The following SERPINB3 variants were observed in gnomAD, a reference collection of about 807,000 sequenced individuals.
SERPINB3 encodes serpin B3.
In SERPINB3, 33 loss-of-function variants were observed where a neutral mutation model predicts 33.0. The ratio of observed to expected loss-of-function variants is 1.00; its 90% CI spans 0.76 to 1.34. The LOEUF is 1.34. Among genes scored for constraint, SERPINB3 ranks in the 40% most tolerant of loss-of-function variants. The pLI is 0.00. For synonymous variants in SERPINB3, 200 were observed against 170.9 expected (o/e 1.17, Z -1.33); for missense variants, 518 against 461.5 (o/e 1.12, Z -1.12).
chr18:63,659,227 G>T, intron 4 of SERPINB3, 172 bp downstream of exon 4: 2 of 687,776 alleles, frequency 2.9e-6, no homozygotes, highest in African/African-American at 1.8e-5. Flanking sequence ...GTATTGTTAG[G>T]GTCTGGGACA....
At chr18:63,657,208 T>G (rs1442266878) in intron 6 of SERPINB3, 62 bp downstream of exon 6, 1 of 989,932 alleles carries the variant, frequency 1.0e-6, no homozygotes, top group Non-Finnish European at 1.4e-6. Flanking sequence ...CATGGTACAT[T>G]CCATCAGAAA....
In SERPINB3 at chr18:63,658,712, T is replaced by C. The variant is rs562877662; in HGVS notation, c.352-82A>G. Reference sequence around the variant, plus strand: ...TACCAAATTTAGTTATTTATAATTATAGTAAGCTGAATCCAGACCCTGAAT... The same window carrying C: ...TACCAAATTTAGTTATTTATAATTACAGTAAGCTGAATCCAGACCCTGAAT... On this transcript the variant is annotated intron_variant, in intron 4 of 7. Coordinates refer to ENST00000283752, the MANE Select transcript of SERPINB3 (RefSeq NM_006919.3). 2.7e-3 allele frequency: 2,999 copies of C among 1,095,582 alleles called. 19 individuals are homozygous for C. The highest frequency in any genetic ancestry group is 3.4e-3 in the Admixed American group (170 of 49,396). 67.9% of individuals were successfully genotyped at this position (1,095,582 alleles called of 1,614,324 possible). A position where few individuals can be genotyped will look rare whatever the true frequency, so the allele number is the denominator to read the frequency against.
At chr18:63,657,580 A>G (rs1251460946) in intron 5 of SERPINB3, among the ~76,000 whole-genome samples, 168 bp from the exon 6 acceptor site, 2 of 152,140 alleles carry the variant, frequency 1.3e-5, no homozygotes, top group African/African-American at 4.8e-5. Context: ...GTGGTTCACC[A>G]GATGCAGCTT....
At chr18:63,660,986 C>G in intron 2 of SERPINB3, 66 bp downstream of exon 2, 1 of 1,610,104 alleles carries the variant, frequency 6.2e-7, no homozygotes, top group Admixed American at 1.7e-5. Context: ...CTATTACCAT[C>G]TGCGTGCTAG....
At chr18:63,660,052 G>T (rs1262703303) in intron 3 of SERPINB3, among the ~76,000 whole-genome samples, 2 of 152,086 alleles carry the variant, frequency 1.3e-5, no homozygotes, top group Non-Finnish European at 2.9e-5. Context: ...CAGGTACATG[G>T]CTAAGGACTT....
intron 2 of SERPINB3, 91 bp downstream of exon 2, chr18:63,660,961 A>G (rs1913627424): frequency 1.9e-5 from 31 of 1,609,202 alleles, no homozygotes; most frequent in Non-Finnish European, 2.6e-5. Context: ...TGTGCTACCC[A>G]TCAGACCACC....
At chr18:63,659,601 G>T (rs570338140) in intron 3 of SERPINB3, 74 bp from the exon 4 acceptor site, 11 of 1,598,694 alleles carry the variant, frequency 6.9e-6, no homozygotes, top group Non-Finnish European at 9.4e-6. Flanking sequence ...AAGTCTGTTA[G>T]ATCAGTCCCT....
At chr18:63,658,439 C>T in intron 5 of SERPINB3, 74 bp downstream of exon 5, 2 of 1,261,284 alleles carry the variant, frequency 1.6e-6, no homozygotes, top group Admixed American at 3.5e-5. Context: ...CCATGGTCCC[C>T]CATGCAGTTT....
intron 6 of SERPINB3, 51 bp from the exon 7 acceptor site, chr18:63,657,037 A>G (rs773136998): frequency 6.7e-7 from 1 of 1,489,116 alleles, no homozygotes; most frequent in Non-Finnish European, 9.2e-7. Flanking sequence ...ACAAGGCAAA[A>G]AGATAATATT....
At chr18:63,660,528 T>A (rs1913613553) in intron 3 of SERPINB3, among the ~76,000 whole-genome samples, 2 of 152,148 alleles carry the variant, frequency 1.3e-5, no homozygotes. Context: ...CTGCTCATGT[T>A]CACCATTTGT....
intron 6 of SERPINB3, 121 bp downstream of exon 6, chr18:63,657,149 G>T: frequency 1.1e-6 from 1 of 891,274 alleles, no homozygotes. Flanking sequence ...AAAGTTATAA[G>T]ACTAAAACAA....
chr18:63,655,751 T>C lies in SERPINB3; in HGVS notation c.1079A>G (p.Asn360Ser). ...AGGGTGATTACAATGGAACTCTTCA[T>C]TAGTTGAAGTAGGTGATGATCCGAA... The part of the protein sequence containing the change: ...VGFGSSPTST[N>S]EEFHCNHPFL... Residue 360 changes from asparagine (N) to serine (S), a missense_variant, in exon 8 of 8, where the codon AAT (asparagine) becomes AGT (serine). Coordinates refer to ENST00000283752, the MANE Select transcript of SERPINB3 (RefSeq NM_006919.3). The C allele has an allele frequency of 6.2e-7, 1 of 1,613,764 alleles. No homozygotes were observed. Among genetic ancestry groups the C allele is most frequent in the Admixed American group, 1.7e-5 (1 of 59,988 alleles).
chr18:63,655,614 T>C lies in SERPINB3; in HGVS notation c.*43A>G, dbSNP rs1555683844. ...CCAGCAATCAGTTTACCAGAACATCTGCAGGTGAACATTTTCCAAATGGAG... is the reference window on the plus strand; with the variant it reads ...CCAGCAATCAGTTTACCAGAACATCCGCAGGTGAACATTTTCCAAATGGAG... On this transcript the variant is annotated 3_prime_UTR_variant, in exon 8 of 8. Transcript: ENST00000283752. 1.3e-5 allele frequency: 20 copies of C among 1,551,542 alleles called. No homozygotes were observed. In the Middle Eastern group the frequency reaches 7.0e-4, roughly 54 times the overall value.
chr18:63,657,338 A>G lies in SERPINB3; in HGVS notation c.544T>C (p.Phe182Leu), dbSNP rs1913524746. 6.2e-7 allele frequency: 1 copy of G among 1,610,688 alleles called. No individual in the cohort carries two copies. The highest frequency in any genetic ancestry group is 1.3e-5 in the African/African-American group (1 of 74,848). The change falls in exon 6 of 8, where the codon TTC (phenylalanine) becomes CTC (leucine). Residue 182 changes from phenylalanine (F) to leucine (L), a missense_variant. Physicochemically the swap from Phe to Leu is conservative, Grantham distance 22 (BLOSUM62 0). Transcript: ENST00000283752. ...TTLVLVNAIY[F>L]KGQWEKKFNK... ...AATTTCTTCTCCCACTGCCCTTTGA[A>G]ATAGATTGCGTTCACAAGAACCAAT...
In SERPINB3 at chr18:63,655,606, A is replaced by G; in HGVS notation, c.*51T>C. ...TGTTGTTGCCAGCAATCAGTTTACC[A>G]GAACATCTGCAGGTGAACATTTTCC... On this transcript the variant is annotated 3_prime_UTR_variant, in exon 8 of 8. Transcript: ENST00000283752. 1 of 1,534,960 alleles carries G rather than the reference A, an allele frequency of 6.5e-7. No individual in the cohort carries two copies. The highest frequency in any genetic ancestry group is 8.8e-7 in the Non-Finnish European group (1 of 1,135,530).
rs749831172 is a variant in SERPINB3 at position 63,659,183 on chromosome 18, T to C, written c.351+216A>G. On this transcript the variant is annotated intron_variant, in intron 4 of 7. Transcript: ENST00000283752. ...TCTATTACCCAACCTCCTCTTTTAT[T>C]ACAAGATTATCCCTAAATCCACACT... is the stretch of plus-strand genomic sequence containing the variant. 3.9e-4 allele frequency: 232 copies of C among 588,462 alleles called. 1 individual carries two copies. The Admixed American group carries it at 5.2e-3, about 13-fold the overall frequency. 36.5% of individuals were successfully genotyped at this position (588,462 alleles called of 1,614,324 possible).
At chr18:63,658,487 G>T in intron 5 of SERPINB3, 26 bp downstream of exon 5, 1 of 1,585,808 alleles carries the variant, frequency 6.3e-7, no homozygotes. Flanking sequence ...TCTCAAAGGT[G>T]TTTCTATAAT....
Position 63,655,711 on chromosome 18 carries a change from T to C in SERPINB3, c.1119A>G (p.Ile373Met). 2 of 1,613,880 alleles carry C rather than the reference T, an allele frequency of 1.2e-6. No homozygotes were observed. Among genetic ancestry groups the C allele is most frequent in the African/African-American group, 1.3e-5 (1 of 75,012 alleles). Residue 373 changes from isoleucine to methionine, a missense_variant, in exon 8 of 8, where the codon ATA (isoleucine) becomes ATG (methionine). Physicochemically the swap from Ile to Met is conservative, Grantham distance 10. Transcript: ENST00000283752. ...FHCNHPFLFF[I>M]RQNKTNSILF... ...GGATGCTGTTGGTCTTATTTTGCCT[T>C]ATGAAGAATAGGAAAGGGTGATTAC...
intron 1 of SERPINB3, 30 bp from the exon 2 acceptor site, chr18:63,661,272 G>A (rs1913638970): frequency 6.4e-7 from 1 of 1,566,034 alleles, no homozygotes; most frequent in Admixed American, 1.8e-5. Context: ...CTGTCAGAAT[G>A]ACTTTAATAA....
Sources: allele counts gnomAD v4.1 joint callset (sites outside exome capture counted in the v4.1 genomes callset), GRCh38; gene constraint gnomAD v4.1.1; transcripts MANE v1.5; gene names NCBI Gene and HGNC (gene_info 2026-07-23, HGNC 2026-07-21).